ZNF626: variants seen among roughly 807,000 people sequenced by gnomAD.
ZNF626 encodes the protein zinc finger protein 626.
ZNF626 carries 4 observed loss-of-function variants against 11.7 expected under a neutral mutation model. That is an observed-to-expected ratio of 0.34 (90% CI 0.17 to 0.78). ZNF626 has a LOEUF of 0.78. Among genes scored for constraint, ZNF626 ranks in the 30% least tolerant of loss-of-function variants. The pLI is 0.57. For missense variants in ZNF626, 588 were observed against 587.1 expected, an observed-to-expected ratio of 1.00 and a Z score of -0.01; for synonymous variants, 179 against 198.6, an observed-to-expected ratio of 0.90 and a Z score of 0.83.
chr19:20,632,570 T>C (rs1969918376), intron 3 of ZNF626, among the ~76,000 whole-genome samples: 1 of 152,248 alleles, frequency 6.6e-6, no homozygotes, highest in Non-Finnish European at 1.5e-5. Flanking sequence ...TTTCTTCCAG[T>C]TGATCGCATC....
chr19:20,647,593 T>A (rs1304620637), intron 1 of ZNF626, among the ~76,000 whole-genome samples: 1 of 149,440 alleles, frequency 6.7e-6, no homozygotes, highest in Admixed American at 6.9e-5. Flanking sequence ...TTCACGCCAT[T>A]CTCCTGCCTC....
At chr19:20,647,484 G>GTTT (rs71174723) in intron 1 of ZNF626, among the ~76,000 whole-genome samples, 18,405 of 122,502 alleles carry the variant, frequency 0.15, 1,872 homozygotes, top group East Asian at 0.34. Context: ...TAGGACAATG[G>GTTT]TTTTTTTTTT....
chr19:20,656,042 T>C (rs564402491), intron 1 of ZNF626, among the ~76,000 whole-genome samples: 9 of 152,178 alleles, frequency 5.9e-5, no homozygotes, highest in Middle Eastern at 3.4e-3. Flanking sequence ...CTTGAAATAA[T>C]GTTTACAGGG....
chr19:20,639,711 G>A (rs564924372), intron 3 of ZNF626, among the ~76,000 whole-genome samples: 12 of 152,240 alleles, frequency 7.9e-5, no homozygotes, highest in African/African-American at 2.9e-4. Flanking sequence ...CACTTCACAC[G>A]AGGTGACAGT....
chr19:20,627,101 TAAG>T (rs1555769854), intron 3 of ZNF626, among the ~76,000 whole-genome samples: 2 of 150,584 alleles, frequency 1.3e-5, no homozygotes, highest in Admixed American at 1.3e-4. Context: ...AGGATAATAA[TAAG>T]AAATATTGAA....
intron 1 of ZNF626, among the ~76,000 whole-genome samples, chr19:20,649,393 C>G (rs1970121186): frequency 6.6e-6 from 1 of 152,100 alleles, no homozygotes; most frequent in Admixed American, 6.5e-5. Context: ...GGACACCAGC[C>G]ATTTCTGCTA....
chr19:20,659,900 C>T (rs1970245526), intron 1 of ZNF626, among the ~76,000 whole-genome samples: 1 of 152,080 alleles, frequency 6.6e-6, no homozygotes, highest in Non-Finnish European at 1.5e-5. Flanking sequence ...ATGAAGGCTC[C>T]TTCCGTGGCT....
At chr19:20,660,129 G>A (rs558316998) in intron 1 of ZNF626, among the ~76,000 whole-genome samples, 68 of 151,764 alleles carry the variant, frequency 4.5e-4, no homozygotes, top group Middle Eastern at 3.4e-3. Flanking sequence ...GCGTGATGGT[G>A]CATGCCTGTA....
intron 3 of ZNF626, among the ~76,000 whole-genome samples, chr19:20,642,552 C>T (rs1035327676): frequency 4.6e-5 from 7 of 152,138 alleles, no homozygotes; most frequent in South Asian, 4.2e-4. Context: ...GCTGAGATCG[C>T]GCCAGTGCAC....
chr19:20,652,989 T>G (rs2144791615), intron 1 of ZNF626, among the ~76,000 whole-genome samples: 1 of 152,308 alleles, frequency 6.6e-6, no homozygotes, highest in Middle Eastern at 3.4e-3. Context: ...GTAAAATGAT[T>G]GATTGCTGCC....
chr19:20,657,412 T>C (rs543870352), intron 1 of ZNF626, among the ~76,000 whole-genome samples: 1 of 151,188 alleles, frequency 6.6e-6, no homozygotes, highest in African/African-American at 2.4e-5. Flanking sequence ...AAATACAAAA[T>C]ATGGTACATA....
At chr19:20,656,049 AG>A (rs1970201736) in intron 1 of ZNF626, among the ~76,000 whole-genome samples, 1 of 152,170 alleles carries the variant, frequency 6.6e-6, no homozygotes, top group Non-Finnish European at 1.5e-5. Flanking sequence ...TAATGTTTAC[AG>A]GGGAAAAACC....
chr19:20,641,904 C>T (rs1257041804), intron 3 of ZNF626, among the ~76,000 whole-genome samples: 3 of 139,812 alleles, frequency 2.1e-5, no homozygotes, highest in African/African-American at 8.6e-5. Flanking sequence ...TGTTATGTTA[C>T]GTGTTTTTAA....
intron 2 of ZNF626, 30 bp downstream of exon 2, chr19:20,646,249 G>C (rs782782747): frequency 1.3e-6 from 2 of 1,575,392 alleles, no homozygotes; most frequent in African/African-American, 2.7e-5. Context: ...AAAATCTATA[G>C]GGTATATTAT....
chr19:20,653,356 G>T (rs1192264868), intron 1 of ZNF626, among the ~76,000 whole-genome samples: 1 of 152,130 alleles, frequency 6.6e-6, no homozygotes, highest in African/African-American at 2.4e-5. Flanking sequence ...TTAAGAGACT[G>T]CAAAGATAGA....
At chr19:20,625,757 C>G in intron 3 of ZNF626, 107 bp from the exon 4 acceptor site, 1 of 1,167,350 alleles carries the variant, frequency 8.6e-7, no homozygotes, top group South Asian at 2.4e-5. Flanking sequence ...AGCAAGATGA[C>G]ACAGGAAAAT....
rs993698087 is a variant in ZNF626 at position 20,623,198 on chromosome 19, C to T, written c.*1092G>A. 2 of 152,104 alleles carry T rather than the reference C, an allele frequency of 1.3e-5. No homozygotes were observed. Among genetic ancestry groups the T allele is most frequent in the Non-Finnish European group, 2.9e-5 (2 of 68,018 alleles). 9.4% of individuals were successfully genotyped at this position (152,104 alleles called of 1,614,324 possible). On this transcript the variant is annotated 3_prime_UTR_variant, in exon 4 of 4. Transcript: ENST00000601440. ...ATGTGAGTAGGCATTAATGGGTTTT[C>T]CATATTCTTTATATTTGTACAATTT...
chr19:20,627,126 AC>A (rs1969845097), intron 3 of ZNF626, among the ~76,000 whole-genome samples: 1 of 132,180 alleles, frequency 7.6e-6, no homozygotes, highest in South Asian at 2.1e-4. Context: ...TAGCAAAAAA[AC>A]AAAAATTGTG....
intron 1 of ZNF626, among the ~76,000 whole-genome samples, chr19:20,659,685 G>A (rs1970243243): frequency 6.6e-6 from 1 of 151,570 alleles, no homozygotes; most frequent in Non-Finnish European, 1.5e-5. Context: ...TAGTTAGCTG[G>A]TACTTCTTCC....
Sources: gnomAD v4.1 joint callset for allele counts (sites outside exome capture counted in the v4.1 genomes callset) on GRCh38, gnomAD v4.1.1 for gene constraint, MANE v1.5 for transcripts, NCBI Gene and HGNC (gene_info 2026-07-23, HGNC 2026-07-21) for gene names.